The following NCAM2 variants were observed in gnomAD, a reference collection of about 807,000 sequenced individuals.
NCAM2 encodes N-CAM-2.
Under a neutral mutation model 98.1 loss-of-function variants are expected in NCAM2, and 30 were observed. The ratio of observed to expected loss-of-function variants is 0.31; its 90% CI spans 0.23 to 0.41. The LOEUF is 0.41. Among genes scored for constraint, NCAM2 ranks in the 10% least tolerant of loss-of-function variants. The pLI is 1.00. For missense variants in NCAM2, 867 were observed against 1,005.8 expected (o/e 0.86, Z 1.87); for synonymous variants, 368 against 342.4 (o/e 1.07, Z -0.83).
At chr21:21,516,101 A>AAACAAAAGG (rs1988696418) in intron 16 of NCAM2, among the ~76,000 whole-genome samples, 1 of 152,158 alleles carries the variant, frequency 6.6e-6, no homozygotes, top group Non-Finnish European at 1.5e-5. Context: ...AAGTTTTAGA[A>AAACAAAAGG]AACAAAAGGA....
chr21:21,224,640 C>A (rs1359946606), intron 1 of NCAM2, among the ~76,000 whole-genome samples: 1 of 151,972 alleles, frequency 6.6e-6, no homozygotes, highest in Non-Finnish European at 1.5e-5. Context: ...AGAATATTAT[C>A]TATACAGTGG....
At chr21:21,134,991 T>G (rs574017113) in intron 1 of NCAM2, among the ~76,000 whole-genome samples, 128 of 151,818 alleles carry the variant, frequency 8.4e-4, no homozygotes, top group African/African-American at 3.1e-3. Context: ...TCCCAGCACT[T>G]TGGGAGGCCG....
At chr21:21,214,456 T>C (rs539325789) in intron 1 of NCAM2, among the ~76,000 whole-genome samples, 3 of 151,990 alleles carry the variant, frequency 2.0e-5, no homozygotes, top group Non-Finnish European at 4.4e-5. Flanking sequence ...GCCAATTAAC[T>C]GCAATGCCTT....
At chr21:21,496,873 A>G (rs1405237987) in intron 15 of NCAM2, among the ~76,000 whole-genome samples, 5 of 152,102 alleles carry the variant, frequency 3.3e-5, no homozygotes, top group South Asian at 2.1e-4. Context: ...ATAGAGAGTT[A>G]TTTCCCCCTT....
At position 21,338,554 on chromosome 21, in the gene NCAM2, T is replaced by C. The variant is rs759303799; in HGVS notation, c.1044+20T>C. The C allele has an allele frequency of 9.6e-6, 15 of 1,566,286 alleles. No individual in the cohort carries two copies. In the South Asian group the frequency reaches 1.3e-4, roughly 14 times the overall value. ...GATAAGGTAACCACATCTCAATATG[T>C]AATGGTTTCCATTACCATGCAATTT... On this transcript the variant is annotated intron_variant, in intron 8 of 17. Transcript: ENST00000400546.
chr21:21,514,422 GC>G (rs2146369820), intron 16 of NCAM2, among the ~76,000 whole-genome samples: 1 of 143,142 alleles, frequency 7.0e-6, no homozygotes, highest in East Asian at 2.0e-4. Context: ...GTTGCAGTGA[GC>G]CATTGTACTC....
chr21:21,135,758 T>G (rs2067037230), intron 1 of NCAM2, among the ~76,000 whole-genome samples: 2 of 152,184 alleles, frequency 1.3e-5, no homozygotes, highest in South Asian at 4.1e-4. Flanking sequence ...CTGTGCTTTT[T>G]TCAACCTTTT....
At chr21:21,204,178 A>G (rs2069346936) in intron 1 of NCAM2, among the ~76,000 whole-genome samples, 1 of 152,118 alleles carries the variant, frequency 6.6e-6, no homozygotes, top group South Asian at 2.1e-4. Flanking sequence ...AAGTGATTCT[A>G]CCTTTATCTC....
intron 1 of NCAM2, among the ~76,000 whole-genome samples, chr21:21,152,894 T>G (rs997489477): frequency 6.6e-6 from 1 of 151,996 alleles, no homozygotes; most frequent in Admixed American, 6.6e-5. Flanking sequence ...TGACATAAAC[T>G]TTAGCCATCT....
intron 13 of NCAM2, among the ~76,000 whole-genome samples, chr21:21,468,100 T>C (rs954668089): frequency 5.3e-5 from 8 of 151,888 alleles, no homozygotes; most frequent in Admixed American, 6.6e-5. Flanking sequence ...GGCAAGTATA[T>C]GAATGAACCT....
chr21:21,158,903 C>A (rs1295691520), intron 1 of NCAM2, among the ~76,000 whole-genome samples: 2 of 151,970 alleles, frequency 1.3e-5, no homozygotes, highest in African/African-American at 4.8e-5. Flanking sequence ...GAAAACGTAA[C>A]TATTAAAGAG....
At chr21:21,227,674 A>G (rs1375466847) in intron 1 of NCAM2, among the ~76,000 whole-genome samples, 1 of 151,806 alleles carries the variant, frequency 6.6e-6, no homozygotes, top group Admixed American at 6.6e-5. Context: ...TCTCTAGCAG[A>G]TATGTCTAAA....
chr21:21,153,158 A>G (rs1236669049), intron 1 of NCAM2, among the ~76,000 whole-genome samples: 6 of 149,150 alleles, frequency 4.0e-5, no homozygotes, highest in East Asian at 1.9e-4. Context: ...ATGGCCAGCC[A>G]TGGAAAATTC....
At chr21:21,355,497 G>A in intron 8 of NCAM2, among the ~76,000 whole-genome samples, 1 of 83,112 alleles carries the variant, frequency 1.2e-5, no homozygotes. Flanking sequence ...GAGAAAGAAA[G>A]AAAAGAAATA....
chr21:21,324,221 C>T (rs1332596920), intron 5 of NCAM2, among the ~76,000 whole-genome samples, 162 bp from the exon 6 acceptor site: 1 of 151,908 alleles, frequency 6.6e-6, no homozygotes, highest in Non-Finnish European at 1.5e-5. Flanking sequence ...GAACGCAGAT[C>T]AGTGATAAAG....
intron 1 of NCAM2, among the ~76,000 whole-genome samples, chr21:21,234,083 CAG>C (rs939116497): frequency 1.3e-5 from 2 of 151,716 alleles, no homozygotes; most frequent in African/African-American, 4.8e-5. Context: ...AAAATACTCA[CAG>C]AGATTTTACT....
intron 1 of NCAM2, chr21:21,226,623 C>T (rs1215700448): frequency 6.6e-6 from 1 of 152,020 alleles, no homozygotes; most frequent in African/African-American, 2.4e-5. Flanking sequence ...AGCCAACTGC[C>T]CTGATGAGAT....
At chr21:21,455,929 A>G (rs1387976445) in intron 12 of NCAM2, among the ~76,000 whole-genome samples, 1 of 152,064 alleles carries the variant, frequency 6.6e-6, no homozygotes, top group African/African-American at 2.4e-5. Context: ...CTTAGCAAAG[A>G]CAAATTTTAA....
At chr21:21,166,543 A>C (rs936091751) in intron 1 of NCAM2, among the ~76,000 whole-genome samples, 8 of 152,116 alleles carry the variant, frequency 5.3e-5, no homozygotes, top group Non-Finnish European at 1.5e-5. Context: ...GTTTCCCAGA[A>C]GTTGTATACC....
Sources: gnomAD v4.1 joint callset for allele counts (sites outside exome capture counted in the v4.1 genomes callset) on GRCh38, gnomAD v4.1.1 for gene constraint, MANE v1.5 for transcripts, NCBI Gene and HGNC (gene_info 2026-07-23, HGNC 2026-07-21) for gene names.